The following SCN8A variants were observed in gnomAD, a reference collection of about 807,000 sequenced individuals.
SCN8A encodes the protein sodium voltage-gated channel alpha subunit 8, also known as sodium channel protein type 8 subunit alpha.
In SCN8A, 30 loss-of-function variants were observed where a neutral mutation model predicts 184.1. That is an observed-to-expected ratio of 0.16 (90% CI 0.12 to 0.22). The LOEUF (loss-of-function observed/expected upper bound fraction) is 0.22, where lower values mean the gene tolerates loss of function less well. Among genes scored for constraint, SCN8A ranks in the 10% least tolerant of loss-of-function variants. The pLI, the probability that SCN8A is intolerant of heterozygous loss-of-function variation, is 1.00. For synonymous variants in SCN8A, 852 were observed against 907.0 expected (o/e 0.94, Z 1.09); for missense variants, 1,057 against 2,498.9 (o/e 0.42, Z 12.30).
chr12:51,729,894 T>C (rs1431459911), intron 12 of SCN8A, among the ~76,000 whole-genome samples: 1 of 152,244 alleles, frequency 6.6e-6, no homozygotes, highest in Non-Finnish European at 1.5e-5. Context: ...TGCCATTAAT[T>C]TGCATTTCCT....
chr12:51,623,373 C>G (rs1940004944), intron 1 of SCN8A, among the ~76,000 whole-genome samples: 1 of 152,196 alleles, frequency 6.6e-6, no homozygotes, highest in African/African-American at 2.4e-5. Flanking sequence ...CTGCAGAGTT[C>G]ATTCTAGCCT....
At chr12:51,723,217 CTCGCACCTGTAA>C (rs1282444354) in intron 12 of SCN8A, 5 of 152,228 alleles carry the variant, frequency 3.3e-5, no homozygotes, top group South Asian at 4.1e-4. Flanking sequence ...GGCACAGTGG[CTCGCACCTGTAA>C]TCCCAGCACT....
At chr12:51,794,038 C>G (rs557723489) in intron 25 of SCN8A, among the ~76,000 whole-genome samples, 2 of 151,142 alleles carry the variant, frequency 1.3e-5, no homozygotes, top group African/African-American at 4.9e-5. Context: ...CCCAGCTACT[C>G]GGGAGACTGA....
chr12:51,596,468 CTTCT>C (rs1939352441), intron 1 of SCN8A, among the ~76,000 whole-genome samples: 1 of 152,140 alleles, frequency 6.6e-6, no homozygotes, highest in Admixed American at 6.6e-5. Flanking sequence ...TGTTTAGTGA[CTTCT>C]TTCTGTTAAA....
rs536658413 is a variant in SCN8A at position 51,766,094 on chromosome 12, A to G, written c.2901+67A>G. 2,761 of 1,252,286 alleles carry G rather than the reference A, an allele frequency of 2.2e-3. 6 individuals are homozygous for G. Among genetic ancestry groups the G allele is most frequent in the Non-Finnish European group, 3.0e-3 (2,551 of 851,520 alleles). The allele number at this position is 1,252,286 out of a possible 1,614,324, so 77.6% of individuals were successfully genotyped here. On this transcript the variant is annotated intron_variant, in intron 16 of 26. Transcript: ENST00000627620. The stretch of plus-strand genomic sequence containing the variant: ...TATTCTACCCCTGGCCCAGAAGCCC[A>G]AGTCCTTCTACTGCTTAGTCCTTCT...
intron 1 of SCN8A, among the ~76,000 whole-genome samples, chr12:51,626,788 T>G (rs866193359): frequency 6.6e-6 from 1 of 150,704 alleles, no homozygotes; most frequent in Admixed American, 6.6e-5. Context: ...TTAAAAAGAT[T>G]TATTTATTTA....
chr12:51,684,529 T>C (rs1300477896), intron 3 of SCN8A, among the ~76,000 whole-genome samples: 1 of 151,038 alleles, frequency 6.6e-6, no homozygotes, highest in African/African-American at 2.5e-5. Flanking sequence ...TTGGTATCAT[T>C]GTATGGACAA....
In SCN8A at chr12:51,775,877, G is replaced by A. The variant is rs188064202; in HGVS notation, c.3819+1515G>A. Among the ~76,000 whole-genome samples the A allele has an allele frequency of 7.7e-4, 118 of 152,276 alleles. 1 individual carries two copies. Among genetic ancestry groups the A allele is most frequent in the East Asian group, 9.7e-4 (5 of 5,176 alleles). ...CCATGACCTACCCTCACCAGAACAC[G>A]TTCTTCTCTTTTCCCTAGGGTGAGC... On this transcript the variant is annotated intron_variant, in intron 20 of 26. Coordinates refer to ENST00000627620, the MANE Select transcript of SCN8A (RefSeq NM_001330260.2).
chr12:51,810,955 C>T lies in SCN8A; in HGVS notation c.*3526C>T, dbSNP rs1353061230. On this transcript the variant is annotated 3_prime_UTR_variant, in exon 27 of 27. Transcript: ENST00000627620. ...GAGTTCTTTTATTTTTTGCTGCAACCAACGTAAACCTGTAAAAGACCAACA... is the reference window on the plus strand; with the variant it reads ...GAGTTCTTTTATTTTTTGCTGCAACTAACGTAAACCTGTAAAAGACCAACA... 1 of 152,208 alleles carries T rather than the reference C, an allele frequency of 6.6e-6. No homozygotes were observed. Among genetic ancestry groups the T allele is most frequent in the Non-Finnish European group, 1.5e-5 (1 of 68,070 alleles). 9.4% of individuals were successfully genotyped at this position (152,208 alleles called of 1,614,324 possible).
At chr12:51,661,136 T>C (rs1203848159) in intron 1 of SCN8A, among the ~76,000 whole-genome samples, 1 of 152,192 alleles carries the variant, frequency 6.6e-6, no homozygotes, top group African/African-American at 2.4e-5. Flanking sequence ...GTGATTTTTA[T>C]CCTGGCCCTG....
intron 2 of SCN8A, among the ~76,000 whole-genome samples, chr12:51,676,101 A>G (rs1005047435): frequency 2.6e-5 from 4 of 152,178 alleles, no homozygotes; most frequent in African/African-American, 9.7e-5. Context: ...ATGGTTCTAA[A>G]TAATCACACA....
In SCN8A at chr12:51,806,134, T is replaced by G; in HGVS notation, c.4796-148T>G. ...TGAGCCCCCATGCCCAGCCAAAATG[T>G]CACTTTTTGAGAGTTCAGACTGAAT... On this transcript the variant is annotated intron_variant, in intron 26 of 26. Coordinates refer to ENST00000627620, the MANE Select transcript of SCN8A (RefSeq NM_001330260.2). This position sits in a 1 kb window ranked among gnomAD's most constrained non-coding sequence, Gnocchi z 8.7. The G allele has an allele frequency of 1.4e-6, 1 of 708,864 alleles. No individual in the cohort carries two copies. The highest frequency in any genetic ancestry group is 2.8e-5 in the East Asian group (1 of 35,164). The allele number at this position is 708,864 out of a possible 1,614,324, so 43.9% of individuals were successfully genotyped here.
chr12:51,719,861 G>A (rs1942020573), intron 11 of SCN8A, among the ~76,000 whole-genome samples: 1 of 151,914 alleles, frequency 6.6e-6, no homozygotes, highest in Non-Finnish European at 1.5e-5. Flanking sequence ...CGGATCACGA[G>A]GTCAGGAGAT....
chr12:51,782,847 C>T (rs546778888), intron 21 of SCN8A, among the ~76,000 whole-genome samples: 1 of 152,288 alleles, frequency 6.6e-6, no homozygotes, highest in African/African-American at 2.4e-5. Flanking sequence ...GTTTCCAGTC[C>T]CCTAAAAACT....
intron 21 of SCN8A, among the ~76,000 whole-genome samples, chr12:51,784,368 A>C (rs1938016341): frequency 6.6e-6 from 1 of 152,134 alleles, no homozygotes; most frequent in Non-Finnish European, 1.5e-5. Context: ...CAACCTGGCC[A>C]ACATGGCAGA....
chr12:51,742,564 G>A (rs949391708), intron 12 of SCN8A, among the ~76,000 whole-genome samples: 1 of 148,286 alleles, frequency 6.7e-6, no homozygotes, highest in African/African-American at 2.5e-5. Context: ...CCAGCTGCTA[G>A]ATTTATTGGA....
Position 51,614,594 on chromosome 12 carries a change from C to A in SCN8A, c.-55+23235C>A, listed in dbSNP as rs144044131. Among the ~76,000 whole-genome samples, 274 of 152,218 alleles carry A rather than the reference C, an allele frequency of 1.8e-3. 1 individual carries two copies. The highest frequency in any genetic ancestry group is 6.4e-3 in the African/African-American group (266 of 41,564). The stretch of plus-strand genomic sequence containing the variant: ...AGTGATACATTTGTTAAAACTAAGA[C>A]ATTTACATTGGTATAATACTTTATT... On this transcript the variant is annotated intron_variant, in intron 1 of 26. Coordinates refer to ENST00000627620, the MANE Select transcript of SCN8A (RefSeq NM_001330260.2).
rs181889027 is a variant in SCN8A at position 51,772,893 on chromosome 12, A to G, written c.3646-1296A>G. Among the ~76,000 whole-genome samples, 252 of 152,016 alleles carry G rather than the reference A, an allele frequency of 1.7e-3. 3 individuals carry two copies. The East Asian group carries it at 0.02, about 12-fold the overall frequency. On this transcript the variant is annotated intron_variant, in intron 19 of 26. Transcript: ENST00000627620. ...GCACTTTGGGAGGCTGAGGCGGGCG[A>G]ATCACGAGGTCAGGAGATTGAGACC... is the stretch of plus-strand genomic sequence containing the variant.
chr12:51,604,904 A>G (rs2138565128), intron 1 of SCN8A, among the ~76,000 whole-genome samples: 1 of 152,014 alleles, frequency 6.6e-6, no homozygotes, highest in Middle Eastern at 3.4e-3. Context: ...TAGATAGATT[A>G]CATATCACTG....
Sources: gnomAD v4.1 joint callset for allele counts (sites outside exome capture counted in the v4.1 genomes callset) on GRCh38, gnomAD v4.1.1 for gene constraint, Gnocchi (gnomAD v3.1) non-coding constraint, MANE v1.5 for transcripts, NCBI Gene and HGNC (gene_info 2026-07-23, HGNC 2026-07-21) for gene names.